The following GABRR2 variants were observed in gnomAD, a reference collection of about 807,000 sequenced individuals.
GABRR2 encodes the protein gamma-aminobutyric acid receptor subunit rho-2.
Under a neutral mutation model 47.0 loss-of-function variants are expected in GABRR2, and 36 were observed. The observed-to-expected ratio is 0.77, with a 90% CI of 0.59 to 1.01. GABRR2 has a LOEUF of 1.01. Ranked by LOEUF, GABRR2 falls within the 50% of genes least tolerant of loss-of-function variation. The probability of loss-of-function intolerance (pLI) is 0.00; values close to 1 mark genes in which losing one functional copy is unlikely to be tolerated. For synonymous variants in GABRR2, 204 were observed against 227.5 expected, an observed-to-expected ratio of 0.90 and a Z score of 0.93; for missense variants, 587 against 594.6, an observed-to-expected ratio of 0.99 and a Z score of 0.13.
In GABRR2 at chr6:89,306,052, T is replaced by C. The variant is rs111449201; in HGVS notation, c.114-6187A>G. On this transcript the variant is annotated intron_variant, in intron 1 of 8. Coordinates refer to ENST00000402938, the MANE Select transcript of GABRR2 (RefSeq NM_002043.5). ...GAAAAAAAGAAAAAGAAAATGATTGTGTTGAGTACTGGAAGATCATGATTT... is the reference window on the plus strand; with the variant it reads ...GAAAAAAAGAAAAAGAAAATGATTGCGTTGAGTACTGGAAGATCATGATTT... 2.3e-3 allele frequency among the ~76,000 whole-genome samples: 348 copies of C among 150,862 alleles called. 3 individuals carry two copies. The highest frequency in any genetic ancestry group is 8.2e-3 in the African/African-American group (336 of 40,804).
chr6:89,291,118 C>T (rs1236085066), intron 2 of GABRR2, among the ~76,000 whole-genome samples: 2 of 152,182 alleles, frequency 1.3e-5, no homozygotes, highest in African/African-American at 4.8e-5. Context: ...CCAGGTCACA[C>T]ACTCAGGAGG....
At chr6:89,264,740 G>T (rs1456675907) in intron 7 of GABRR2, 132 bp from the exon 8 acceptor site, 2 of 1,159,522 alleles carry the variant, frequency 1.7e-6, no homozygotes, top group African/African-American at 3.1e-5. Context: ...CCACCTCGGA[G>T]AGGGGCAAGG....
At chr6:89,306,861 A>G (rs1767568413) in intron 1 of GABRR2, among the ~76,000 whole-genome samples, 1 of 152,156 alleles carries the variant, frequency 6.6e-6, no homozygotes, top group Non-Finnish European at 1.5e-5. Context: ...AGGAAAAAGG[A>G]GGAAGAGAAG....
chr6:89,259,893 T>G (rs1562344813), intron 8 of GABRR2, among the ~76,000 whole-genome samples: 1 of 148,024 alleles, frequency 6.8e-6, no homozygotes, highest in African/African-American at 2.5e-5. Flanking sequence ...CTTTTTTTTT[T>G]TTTTTGTTTT....
At chr6:89,265,354 A>G (rs892292959) in intron 7 of GABRR2, among the ~76,000 whole-genome samples, 1 of 152,194 alleles carries the variant, frequency 6.6e-6, no homozygotes, top group Admixed American at 6.5e-5. Context: ...TGATATTGCC[A>G]GTTGTCGAAG....
Position 89,315,205 on chromosome 6 carries a change from GC to G in GABRR2, c.-41del. On this transcript the variant is annotated 5_prime_UTR_variant, in exon 1 of 9. Coordinates refer to ENST00000402938, the MANE Select transcript of GABRR2 (RefSeq NM_002043.5). ...TGAGGCAAAAAGCTGCTTTCCAGTA[GC>G]CTGTGGCAGAGCAAATCCCCCCTGG... is the stretch of plus-strand genomic sequence containing the variant. 1 of 1,612,816 alleles carries G rather than the reference GC, an allele frequency of 6.2e-7. No homozygotes were observed. Among genetic ancestry groups the G allele is most frequent in the Non-Finnish European group, 8.5e-7 (1 of 1,179,246 alleles).
rs1472259921 is a variant in GABRR2 at position 89,255,384 on chromosome 6, C to T, written c.*2286G>A. 1.3e-5 allele frequency among the ~76,000 whole-genome samples: 2 copies of T among 152,154 alleles called. No individual in the cohort carries two copies. Among genetic ancestry groups the T allele is most frequent in the African/African-American group, 4.8e-5 (2 of 41,424 alleles). Reference sequence around the variant, plus strand: ...CCCGGGAGGCAGAGGTTGTGGTGAGCCAAGATCAAGCCATTGCACTCCAGC... The same window carrying T: ...CCCGGGAGGCAGAGGTTGTGGTGAGTCAAGATCAAGCCATTGCACTCCAGC... On this transcript the variant is annotated 3_prime_UTR_variant, in exon 9 of 9. Transcript: ENST00000402938.
intron 2 of GABRR2, among the ~76,000 whole-genome samples, chr6:89,292,365 TATATATATATATATCA>T (rs1774459609): frequency 1.2e-5 from 1 of 86,404 alleles, no homozygotes. Flanking sequence ...TATATATATA[TATATATATATATATCA>T]GATATATATC....
rs1242640059 is a variant in GABRR2 at position 89,280,253 on chromosome 6, T to TATAC, written c.221-8532_221-8531insGTAT. Among the ~76,000 whole-genome samples, 453 of 124,560 alleles carry TATAC rather than the reference T, an allele frequency of 3.6e-3. 2 individuals are homozygous for TATAC. Among genetic ancestry groups the TATAC allele is most frequent in the African/African-American group, 0.012 (389 of 31,428 alleles). The allele number at this position is 124,560 out of a possible 152,430, so 81.7% of individuals were successfully genotyped here. Reference sequence around the variant, plus strand: ...ATATATATATATATATATATATATATACATACATATACATATACACATACA... The same window carrying TATAC: ...ATATATATATATATATATATATATATATACACATACATATACATATACACATACA... On this transcript the variant is annotated intron_variant, in intron 2 of 8. Coordinates refer to ENST00000402938, the MANE Select transcript of GABRR2 (RefSeq NM_002043.5).
At chr6:89,311,716 C>G (rs895296953) in intron 1 of GABRR2, among the ~76,000 whole-genome samples, 1 of 152,192 alleles carries the variant, frequency 6.6e-6, no homozygotes, top group Non-Finnish European at 1.5e-5. Flanking sequence ...GGTGCCCCTC[C>G]TCCCTGTGCA....
intron 2 of GABRR2, among the ~76,000 whole-genome samples, chr6:89,291,165 C>T (rs1209617673): frequency 6.6e-6 from 1 of 152,176 alleles, no homozygotes; most frequent in African/African-American, 2.4e-5. Flanking sequence ...GATACCAAGA[C>T]CTGGCTCTCT....
chr6:89,296,816 C>G (rs967649783), intron 2 of GABRR2, among the ~76,000 whole-genome samples: 1 of 152,262 alleles, frequency 6.6e-6, no homozygotes, highest in Non-Finnish European at 1.5e-5. Flanking sequence ...AGGATTTCAT[C>G]TGCCGTTCCA....
At position 89,304,114 on chromosome 6, in the gene GABRR2, T is replaced by C. The variant is rs113931958; in HGVS notation, c.114-4249A>G. ...CCAAAAATTGAGAAATGGGATCTTA[T>C]TAAACTTAAGAGCTTCTGCACAAAA... On this transcript the variant is annotated intron_variant, in intron 1 of 8. Coordinates refer to ENST00000402938, the MANE Select transcript of GABRR2 (RefSeq NM_002043.5). Among the ~76,000 whole-genome samples, 1,489 of 152,244 alleles carry C rather than the reference T, an allele frequency of 9.8e-3. 19 individuals carry two copies. Among genetic ancestry groups the C allele is most frequent in the African/African-American group, 0.034 (1,421 of 41,540 alleles).
intron 2 of GABRR2, among the ~76,000 whole-genome samples, chr6:89,290,000 C>T (rs1182151272): frequency 6.6e-6 from 1 of 152,134 alleles, no homozygotes; most frequent in Non-Finnish European, 1.5e-5. Context: ...AGAACTGATC[C>T]AGTCTCTTGA....
At chr6:89,278,227 G>A (rs116253385) in intron 2 of GABRR2, among the ~76,000 whole-genome samples, 2,129 of 152,306 alleles carry the variant, frequency 0.014, 53 homozygotes, top group African/African-American at 0.047. Flanking sequence ...TGAAGATTAT[G>A]TATGTTGGAG....
intron 2 of GABRR2, among the ~76,000 whole-genome samples, chr6:89,291,403 C>T (rs781750568): frequency 9.2e-5 from 14 of 152,140 alleles, no homozygotes; most frequent in Non-Finnish European, 1.8e-4. Flanking sequence ...CAGCAAAGCC[C>T]TCCCAGAGCG....
chr6:89,301,869 C>T, intron 1 of GABRR2: 1 of 1,145,520 alleles, frequency 8.7e-7, no homozygotes, highest in Non-Finnish European at 1.3e-6. Flanking sequence ...ATGAGCATGG[C>T]ATAGACCCCA....
chr6:89,303,021 C>T (rs763410671), intron 1 of GABRR2: 48 of 1,251,574 alleles, frequency 3.8e-5, no homozygotes, highest in Non-Finnish European at 5.0e-5. Flanking sequence ...ACCTGGTGTC[C>T]GAGTACCAGC....
At chr6:89,273,004 T>TA (rs1774087572) in intron 2 of GABRR2, among the ~76,000 whole-genome samples, 1 of 152,208 alleles carries the variant, frequency 6.6e-6, no homozygotes, top group African/African-American at 2.4e-5. Flanking sequence ...ATCCCACCGT[T>TA]AAAGATTTCC....
Sources: allele counts gnomAD v4.1 joint callset (sites outside exome capture counted in the v4.1 genomes callset), GRCh38; gene constraint gnomAD v4.1.1; transcripts MANE v1.5; gene names NCBI Gene and HGNC (gene_info 2026-07-23, HGNC 2026-07-21).